The following DIXDC1 variants were observed in gnomAD, a reference collection of about 807,000 sequenced individuals.
DIXDC1 encodes DIX domain containing 1.
DIXDC1 carries 64 observed loss-of-function variants against 103.1 expected under a neutral mutation model. That is an observed-to-expected ratio of 0.62 (90% CI 0.51 to 0.76). The LOEUF (loss-of-function observed/expected upper bound fraction) is 0.76. Ranked by LOEUF, DIXDC1 falls within the 30% of genes least tolerant of loss-of-function variation. DIXDC1 has a pLI of 0.00. For missense variants in DIXDC1, 759 were observed against 834.2 expected (o/e 0.91, Z 1.11); for synonymous variants, 266 against 298.5 (o/e 0.89, Z 1.12).
rs587672640 is a variant in DIXDC1 at position 111,969,035 on chromosome 11, TC to T, written c.316+400del. 9.3e-4 allele frequency among the ~76,000 whole-genome samples: 139 copies of T among 149,046 alleles called. 1 individual carries two copies. The highest frequency in any genetic ancestry group is 3.1e-3 in the African/African-American group (126 of 40,876). On this transcript the variant is annotated intron_variant, in intron 3 of 19. Transcript: ENST00000440460. ...GTGATCTACCCGCCTCGCCTTGGCC[TC>T]CCAAAGTGCTGGGATTACAGGCGTG...
intron 13 of DIXDC1, 40 bp downstream of exon 13, chr11:111,993,628 G>T: frequency 6.2e-7 from 1 of 1,613,976 alleles, no homozygotes; most frequent in East Asian, 2.2e-5. Flanking sequence ...TGCCTCTTTG[G>T]CCCAAAGAAA....
At chr11:111,974,642 T>G (rs1263729699) in intron 4 of DIXDC1, among the ~76,000 whole-genome samples, 1 of 152,160 alleles carries the variant, frequency 6.6e-6, no homozygotes, top group Non-Finnish European at 1.5e-5. Context: ...CAGGAAATGC[T>G]TTGTGGGTTG....
At chr11:111,950,014 A>G (rs587628587) in intron 1 of DIXDC1, among the ~76,000 whole-genome samples, 199 of 152,250 alleles carry the variant, frequency 1.3e-3, no homozygotes, top group African/African-American at 4.5e-3. Context: ...TGCCTGGCAG[A>G]TAGTAGGGAC....
Position 111,995,105 on chromosome 11 carries a change from A to C in DIXDC1, c.1524A>C (p.Arg508Ser). ...AGKGATSVSNRGTSDLQLVRD... is the reference protein window; with the variant it reads ...AGKGATSVSNSGTSDLQLVRD... ...AAGGAGCTACTTCAGTCAGCAACAG[A>C]GGGGTACGTACCTGGAGTTTTGATG... The change falls in exon 15 of 20, where the codon AGA (arginine) becomes AGC (serine). Residue 508 changes from arginine to serine, a missense_variant. Transcript: ENST00000440460. 6.2e-7 allele frequency: 1 copy of C among 1,613,474 alleles called. No individual in the cohort carries two copies. Among genetic ancestry groups the C allele is most frequent in the Non-Finnish European group, 8.5e-7 (1 of 1,179,860 alleles).
At position 111,946,905 on chromosome 11, in the gene DIXDC1, T is replaced by G. The variant is rs76923242; in HGVS notation, c.60+9346T>G. On this transcript the variant is annotated intron_variant, in intron 1 of 19. Coordinates refer to ENST00000440460, the MANE Select transcript of DIXDC1 (RefSeq NM_001037954.4). Reference sequence around the variant, plus strand: ...AATGCTGGACCATTCTGAGTGCCTATGGACACTGTCCCCAGAATAAGCAAG... The same window carrying G: ...AATGCTGGACCATTCTGAGTGCCTAGGGACACTGTCCCCAGAATAAGCAAG... 7.3e-3 allele frequency: 1,854 copies of G among 255,002 alleles called. 41 individuals carry two copies. The highest frequency in any genetic ancestry group is 0.038 in the African/African-American group (1,749 of 45,998). The allele number at this position is 255,002 out of a possible 1,614,324, so 15.8% of individuals were successfully genotyped here. A position where few individuals can be genotyped will look rare whatever the true frequency, so the allele number is the denominator to read the frequency against.
intron 8 of DIXDC1, among the ~76,000 whole-genome samples, chr11:111,986,011 G>A (rs1328717711): frequency 5.9e-5 from 9 of 152,092 alleles, no homozygotes; most frequent in Non-Finnish European, 1.3e-4. Flanking sequence ...CATCCAGTCA[G>A]TCACCAAGTT....
chr11:111,981,266 G>T (rs1860298289), intron 6 of DIXDC1, among the ~76,000 whole-genome samples: 1 of 152,206 alleles, frequency 6.6e-6, no homozygotes, highest in Non-Finnish European at 1.5e-5. Flanking sequence ...TAGAGAGCAG[G>T]TCTATATCAG....
intron 17 of DIXDC1, among the ~76,000 whole-genome samples, chr11:112,007,831 C>T (rs112696843): frequency 5.3e-5 from 8 of 152,116 alleles, no homozygotes; most frequent in Admixed American, 2.6e-4. Context: ...AAGGAACAAC[C>T]GGTACCAGCC....
chr11:112,017,791 C>T lies in DIXDC1; in HGVS notation c.1877C>T (p.Thr626Met), dbSNP rs1313342896. 3.1e-6 allele frequency: 5 copies of T among 1,609,258 alleles called. No homozygotes were observed. In the African/African-American group the frequency reaches 4.0e-5, roughly 13 times the overall value. Residue 626 changes from threonine to methionine, a missense_variant, in exon 19 of 20, where the codon ACG (threonine) becomes ATG (methionine). This residue lies in a region of DIXDC1 where 657 missense variants were observed against 727.5 expected (regional missense o/e 0.90). Transcript: ENST00000440460. This position sits in a 1 kb window ranked among gnomAD's most constrained non-coding sequence, Gnocchi z 4.0. Reference sequence around the variant, plus strand: ...TTGTGTTGCAGGTTGGAGGAGGTGACGTTAAAGGATTTTAAAGCAGCTATT... The same window carrying T: ...TTGTGTTGCAGGTTGGAGGAGGTGATGTTAAAGGATTTTAAAGCAGCTATT... The part of the protein sequence containing the change: ...VNIPKRLEEV[T>M]LKDFKAAIDR...
intron 1 of DIXDC1, among the ~76,000 whole-genome samples, chr11:111,940,887 G>T (rs981409595): frequency 2.0e-5 from 3 of 152,140 alleles, no homozygotes; most frequent in African/African-American, 7.2e-5. Flanking sequence ...CAGTCACTGT[G>T]CCAGGCTCTG....
exon 2 of DIXDC1, chr11:111,929,871 T>G: frequency 1.3e-6 from 2 of 1,536,072 alleles, no homozygotes; most frequent in African/African-American, 1.4e-5. Context: ...CCCAAGTGGT[T>G]ATGAGATTCA....
chr11:111,944,904 T>G (rs587669134), intron 1 of DIXDC1, among the ~76,000 whole-genome samples: 1 of 152,220 alleles, frequency 6.6e-6, no homozygotes, highest in Non-Finnish European at 1.5e-5. Flanking sequence ...TAGAACAAAT[T>G]AGTCATGAAA....
Position 111,937,355 on chromosome 11 carries a change from G to C in DIXDC1, c.-145G>C. ...AGTGCAAGCCGCTAGTTTGGCTCCA[G>C]TCTAGGTTTCCAGTAAGTGGCATGC... On this transcript the variant is annotated 5_prime_UTR_variant, in exon 1 of 20. Coordinates refer to ENST00000440460, the MANE Select transcript of DIXDC1 (RefSeq NM_001037954.4). 6.9e-7 allele frequency: 1 copy of C among 1,441,062 alleles called. No individual in the cohort carries two copies. Among genetic ancestry groups the C allele is most frequent in the Non-Finnish European group, 9.1e-7 (1 of 1,098,764 alleles). The allele number at this position is 1,441,062 out of a possible 1,614,324, so 89.3% of individuals were successfully genotyped here.
chr11:111,946,772 T>C (rs1249561586), intron 1 of DIXDC1: 10 of 490,310 alleles, frequency 2.0e-5, no homozygotes, highest in African/African-American at 1.9e-4. Context: ...GATTTTGGTG[T>C]TTTCCCAACC....
At chr11:112,000,033 G>T (rs904857131) in intron 17 of DIXDC1, among the ~76,000 whole-genome samples, 1 of 152,134 alleles carries the variant, frequency 6.6e-6, no homozygotes, top group Admixed American at 6.5e-5. Context: ...CTACTCGGGG[G>T]CTGAGGCACA....
chr11:111,968,600 C>T lies in DIXDC1; in HGVS notation c.278C>T (p.Ala93Val). The change falls in exon 3 of 20, where the codon GCC becomes GTC. Residue 93 changes from alanine to valine, a missense_variant. Physicochemically the swap from Ala to Val is moderately conservative, Grantham distance 64. Transcript: ENST00000440460. Reference protein sequence around the residue: ...NNVEKVLQFVASKKIRMHQTS... With the variant: ...NNVEKVLQFVVSKKIRMHQTS... ...GTGGAGAAAGTGCTACAGTTTGTGG[C>T]CTCTAAAAAGATTCGTATGCACCAG... 6.2e-7 allele frequency: 1 copy of T among 1,611,534 alleles called. No homozygotes were observed. The highest frequency in any genetic ancestry group is 8.5e-7 in the Non-Finnish European group (1 of 1,178,760).
At position 111,998,673 on chromosome 11, in the gene DIXDC1, A is replaced by T. The variant is rs1555175652; in HGVS notation, c.1756+2527A>T. ...ATTCTCCTGCCTCAGCCTCCTGATT[A>T]CAGGCGCCCGCCACCACGCCCGGCT... is the stretch of plus-strand genomic sequence containing the variant. On this transcript the variant is annotated intron_variant, in intron 17 of 19. Coordinates refer to ENST00000440460, the MANE Select transcript of DIXDC1 (RefSeq NM_001037954.4). The surrounding 1 kb of genome is among the most constrained non-coding windows in gnomAD (Gnocchi z 4.1). 6.6e-6 allele frequency among the ~76,000 whole-genome samples: 1 copy of T among 151,952 alleles called. No homozygotes were observed. Among genetic ancestry groups the T allele is most frequent in the Non-Finnish European group, 1.5e-5 (1 of 68,008 alleles).
intron 1 of DIXDC1, among the ~76,000 whole-genome samples, chr11:111,950,399 G>C (rs1179075872): frequency 9.3e-6 from 1 of 106,968 alleles, no homozygotes. Context: ...ATTTTTGTGG[G>C]TACAAAGTAG....
At position 111,977,556 on chromosome 11, in the gene DIXDC1, A is replaced by G; in HGVS notation, c.656+2573A>G. 3 of 1,479,396 alleles carry G rather than the reference A, an allele frequency of 2.0e-6. No individual in the cohort carries two copies. Among genetic ancestry groups the G allele is most frequent in the Non-Finnish European group, 2.7e-6 (3 of 1,115,066 alleles). The allele number at this position is 1,479,396 out of a possible 1,614,324, so 91.6% of individuals were successfully genotyped here. ...CGGGACTGCGCGCTTCAGAGCCTGG[A>G]GCATCCCAGTCGCTGGGGCCGAGAC... is the stretch of plus-strand genomic sequence containing the variant. On this transcript the variant is annotated intron_variant, in intron 5 of 19. Coordinates refer to ENST00000440460, the MANE Select transcript of DIXDC1 (RefSeq NM_001037954.4). This position sits in a 1 kb window ranked among gnomAD's most constrained non-coding sequence, Gnocchi z 6.1.
Sources: allele counts gnomAD v4.1 joint callset (sites outside exome capture counted in the v4.1 genomes callset), GRCh38; gene constraint gnomAD v4.1.1; regional missense constraint gnomAD v4.1.1; non-coding constraint Gnocchi (gnomAD v3.1); transcripts MANE v1.5; gene names NCBI Gene and HGNC (gene_info 2026-07-23, HGNC 2026-07-21).